TMC3: variants seen among roughly 807,000 people sequenced by gnomAD.
TMC3 encodes the protein transmembrane channel like 3.
TMC3 carries 98 observed loss-of-function variants against 110.6 expected under a neutral mutation model. The observed-to-expected ratio is 0.89, with a 90% CI of 0.75 to 1.05. The LOEUF (loss-of-function observed/expected upper bound fraction) is 1.05, where lower values mean the gene tolerates loss of function less well. TMC3 is among the 50% of genes least tolerant of loss of function. TMC3 has a pLI of 0.00. For synonymous variants in TMC3, 489 were observed against 513.1 expected (o/e 0.95, Z 0.63); for missense variants, 1,319 against 1,373.2 (o/e 0.96, Z 0.62).
chr15:81,362,113 G>T, intron 4 of TMC3, 107 bp downstream of exon 4: 1 of 921,066 alleles, frequency 1.1e-6, no homozygotes, highest in Non-Finnish European at 1.7e-6. Context: ...CTATGAGGGT[G>T]CCCTCAGCTG....
chr15:81,337,984 C>T, intron 18 of TMC3, 60 bp from the exon 19 acceptor site: 1 of 1,336,386 alleles, frequency 7.5e-7, no homozygotes, highest in Non-Finnish European at 1.1e-6. Context: ...GCTTTTCAGA[C>T]CACATTCCCT....
chr15:81,337,687 ACT>A, intron 19 of TMC3, 157 bp downstream of exon 19: 2 of 668,146 alleles, frequency 3.0e-6, no homozygotes, highest in South Asian at 3.4e-5. Context: ...CTTAGAAATA[ACT>A]CTTGGACATC....
chr15:81,349,596 A>G, intron 10 of TMC3, 29 bp from the exon 11 acceptor site: 1 of 1,361,702 alleles, frequency 7.3e-7, no homozygotes, highest in Non-Finnish European at 9.6e-7. Context: ...CCAGAGCCAG[A>G]CATTCCCAGG....
intron 3 of TMC3, among the ~76,000 whole-genome samples, chr15:81,365,030 C>G (rs1894279572): frequency 6.6e-6 from 1 of 152,176 alleles, no homozygotes; most frequent in South Asian, 2.1e-4. Context: ...GTGTTGCCAA[C>G]TAAACCTTGG....
At chr15:81,360,972 CTTTTTTT>C (rs59270312) in intron 4 of TMC3, among the ~76,000 whole-genome samples, 22 of 134,176 alleles carry the variant, frequency 1.6e-4, no homozygotes, top group African/African-American at 5.1e-4. Context: ...ACGGTTTTCT[CTTTTTTT>C]TTTTTTTTTG....
rs1282976917 is a variant in TMC3, at chr15:81,332,950, G to C, written c.2772C>G (p.Asn924Lys). 1.2e-6 allele frequency: 2 copies of C among 1,612,288 alleles called. No homozygotes were observed. Among genetic ancestry groups the C allele is most frequent in the Non-Finnish European group, 1.7e-6 (2 of 1,179,220 alleles). Residue 924 changes from asparagine (N) to lysine (K), a missense_variant, in exon 22 of 22, where the codon AAC becomes AAG. Asn to Lys is a moderately conservative substitution (Grantham distance 94). Transcript: ENST00000359440. ...SGDIVELYPRNVRQYASRVPR... is the reference protein window; with the variant it reads ...SGDIVELYPRKVRQYASRVPR... ...GGACCCGGGATGCATATTGTCGCAC[G>C]TTCCTGGGGTACAGCTCCACAATGT...
intron 9 of TMC3, 126 bp downstream of exon 9, chr15:81,355,599 G>T: frequency 1.4e-6 from 1 of 711,046 alleles, no homozygotes; most frequent in South Asian, 1.7e-5. Context: ...ATCACATTAT[G>T]AGAAAGGAAG....
In TMC3 at chr15:81,356,179, T is replaced by C. The variant is rs191731252; in HGVS notation, c.891+268A>G. ...CATGCATCATGGTAATAATCCATTA[T>C]GTAAATTATCTAAAATATACAAACT... On this transcript the variant is annotated intron_variant, in intron 8 of 21. Transcript: ENST00000359440. Among the ~76,000 whole-genome samples the C allele has an allele frequency of 4.3e-3, 653 of 152,344 alleles. 2 individuals carry two copies. Among genetic ancestry groups the C allele is most frequent in the Non-Finnish European group, 7.0e-3 (476 of 68,030 alleles).
Position 81,338,653 on chromosome 15 carries a change from A to G in TMC3, c.2081+2T>C. The G allele has an allele frequency of 6.2e-7, 1 of 1,613,898 alleles. No individual in the cohort carries two copies. Among genetic ancestry groups the G allele is most frequent in the Non-Finnish European group, 8.5e-7 (1 of 1,179,792 alleles). ...TCCAAAGCTGGCAGGTGTGGTACTC[A>G]CAAAAGCAGGAGTACTGCGGGCAGG... On this transcript the variant is annotated splice_donor_variant, in intron 18 of 21. Coordinates refer to ENST00000359440, the MANE Select transcript of TMC3 (RefSeq NM_001080532.3). LOFTEE classifies it high-confidence loss of function.
intron 1 of TMC3, among the ~76,000 whole-genome samples, chr15:81,372,982 T>C (rs1248303727): frequency 1.3e-5 from 2 of 152,112 alleles, no homozygotes; most frequent in African/African-American, 4.8e-5. Context: ...TTACTTCCAC[T>C]GGGTCATTAG....
intron 1 of TMC3, 40 bp from the exon 2 acceptor site, chr15:81,372,777 G>A (rs760104452): frequency 6.2e-7 from 1 of 1,603,952 alleles, no homozygotes; most frequent in Non-Finnish European, 8.5e-7. Context: ...CTGATTAGAA[G>A]AATTGCTTCC....
chr15:81,366,210 A>T (rs968914130), intron 3 of TMC3, among the ~76,000 whole-genome samples: 12 of 152,230 alleles, frequency 7.9e-5, no homozygotes, highest in African/African-American at 2.9e-4. Context: ...CCACAATGGG[A>T]CACAGTCTAT....
intron 5 of TMC3, among the ~76,000 whole-genome samples, chr15:81,358,714 A>C (rs1283533096): frequency 6.6e-6 from 1 of 152,158 alleles, no homozygotes; most frequent in African/African-American, 2.4e-5. Context: ...ACTCTCTCTG[A>C]GCTAGACATG....
chr15:81,351,837 C>T lies in TMC3; in HGVS notation c.940G>A (p.Val314Met). Residue 314 changes from valine to methionine, a missense_variant, in exon 10 of 22, where the codon GTG (valine) becomes ATG (methionine). Val to Met is a conservative substitution (Grantham distance 21). Transcript: ENST00000359440. ...GCAATAATCCTCAGGCAGATGGTCA[C>T]TGCCCTGGGGAGAGAAACAGGCATG... is the stretch of plus-strand genomic sequence containing the variant. ...QEKKKSKNLA[V>M]TICLRIIANI... The T allele has an allele frequency of 6.2e-7, 1 of 1,612,166 alleles. No homozygotes were observed. The highest frequency in any genetic ancestry group is 8.5e-7 in the Non-Finnish European group (1 of 1,179,218).
intron 11 of TMC3, among the ~76,000 whole-genome samples, chr15:81,348,347 C>A (rs1378521845): frequency 1.3e-5 from 2 of 152,212 alleles, no homozygotes; most frequent in Non-Finnish European, 2.9e-5. Context: ...GTAAGCAGGG[C>A]TCTCACTGCC....
Position 81,336,653 on chromosome 15 carries a change from T to C in TMC3, c.2161-2A>G. 2 of 1,613,926 alleles carry C rather than the reference T, an allele frequency of 1.2e-6. No individual in the cohort carries two copies. Among genetic ancestry groups the C allele is most frequent in the Non-Finnish European group, 1.7e-6 (2 of 1,179,856 alleles). Reference sequence around the variant, plus strand: ...CTTTTTCTTATCCTCTGATCTTGCCTAAAATGCAAATGATATGCATGTTTG... The same window carrying C: ...CTTTTTCTTATCCTCTGATCTTGCCCAAAATGCAAATGATATGCATGTTTG... On this transcript the variant is annotated splice_acceptor_variant, in intron 19 of 21. Coordinates refer to ENST00000359440, the MANE Select transcript of TMC3 (RefSeq NM_001080532.3). LOFTEE classifies it high-confidence loss of function.
chr15:81,351,125 C>T (rs995284818), intron 10 of TMC3, among the ~76,000 whole-genome samples: 2 of 152,160 alleles, frequency 1.3e-5, no homozygotes, highest in African/African-American at 2.4e-5. Context: ...CGGTGAGGCT[C>T]AAAGGTAGAG....
At chr15:81,341,345 A>G (rs1206417494) in intron 16 of TMC3, 45 bp downstream of exon 16, 2 of 1,560,454 alleles carry the variant, frequency 1.3e-6, no homozygotes, top group Non-Finnish European at 1.7e-6. Flanking sequence ...GATTATATAT[A>G]TGTATATATA....
chr15:81,346,546 C>T (rs1893832964), intron 11 of TMC3, 103 bp from the exon 12 acceptor site: 2 of 1,099,276 alleles, frequency 1.8e-6, no homozygotes, highest in Non-Finnish European at 2.7e-6. Context: ...TATATTAAGG[C>T]AGTGGCTGCC....
Sources: gnomAD v4.1 joint callset for allele counts (sites outside exome capture counted in the v4.1 genomes callset) on GRCh38, gnomAD v4.1.1 for gene constraint, MANE v1.5 for transcripts, NCBI Gene and HGNC (gene_info 2026-07-23, HGNC 2026-07-21) for gene names.